Variants in BRINP3 observed in about 807,000 individuals in gnomAD.
The protein encoded by BRINP3 is BMP/retinoic acid inducible neural specific 3.
BRINP3 carries 19 observed loss-of-function variants against 71.0 expected under a neutral mutation model. The ratio of observed to expected loss-of-function variants is 0.27; its 90% CI spans 0.19 to 0.39. The LOEUF (loss-of-function observed/expected upper bound fraction) is 0.39. Among genes scored for constraint, BRINP3 ranks in the 10% least tolerant of loss-of-function variants. The pLI is 1.00. For synonymous variants in BRINP3, 380 were observed against 337.7 expected, an observed-to-expected ratio of 1.13 and a Z score of -1.37; for missense variants, 959 against 940.8, an observed-to-expected ratio of 1.02 and a Z score of -0.25.
At chr1:190,219,263 T>C (rs1656670478) in intron 6 of BRINP3, among the ~76,000 whole-genome samples, 1 of 151,886 alleles carries the variant, frequency 6.6e-6, no homozygotes, top group African/African-American at 2.4e-5. Flanking sequence ...AGAACAAAAA[T>C]TGAGTGACTG....
chr1:190,174,333 T>C (rs1264951017), intron 6 of BRINP3, among the ~76,000 whole-genome samples: 1 of 152,108 alleles, frequency 6.6e-6, no homozygotes, highest in Non-Finnish European at 1.5e-5. Flanking sequence ...TTATTCTCTG[T>C]GGAAAGTAAT....
At chr1:190,190,605 T>C (rs1419803744) in intron 6 of BRINP3, among the ~76,000 whole-genome samples, 1 of 152,094 alleles carries the variant, frequency 6.6e-6, no homozygotes, top group Non-Finnish European at 1.5e-5. Context: ...AATAACTACA[T>C]ATTTCTACTG....
intron 2 of BRINP3, among the ~76,000 whole-genome samples, chr1:190,328,907 A>G (rs1666783563): frequency 6.6e-6 from 1 of 152,076 alleles, no homozygotes. Context: ...CATAAACAGA[A>G]TTAAAAATAA....
intron 2 of BRINP3, among the ~76,000 whole-genome samples, chr1:190,403,049 AG>A (rs1197843184): frequency 6.6e-6 from 1 of 152,208 alleles, no homozygotes; most frequent in African/African-American, 2.4e-5. Flanking sequence ...GGTTTAAAAA[AG>A]GCACTACATT....
intron 7 of BRINP3, among the ~76,000 whole-genome samples, chr1:190,138,181 C>T (rs148565492): frequency 0.011 from 1,702 of 152,082 alleles, 32 homozygotes; most frequent in African/African-American, 0.037. Context: ...CTTGAACTCC[C>T]GACCTCAGGT....
rs547201994 is a variant in BRINP3, at chr1:190,373,570, CTGGATAGAA to C, written c.236+81076_236+81084del. On this transcript the variant is annotated intron_variant, in intron 2 of 7. Transcript: ENST00000367462. ...AATTCTACATTTGTGATTTTGCTTG[CTGGATAGAA>C]TGGATAGAATATATTTCTAACTCCA... Among the ~76,000 whole-genome samples the C allele has an allele frequency of 3.0e-3, 449 of 151,484 alleles. 3 individuals carry two copies. Among genetic ancestry groups the C allele is most frequent in the African/African-American group, 0.01 (424 of 41,236 alleles).
intron 2 of BRINP3, among the ~76,000 whole-genome samples, chr1:190,308,494 G>C: frequency 6.6e-6 from 1 of 151,502 alleles, no homozygotes; most frequent in Non-Finnish European, 1.5e-5. Flanking sequence ...GACTGTTGTA[G>C]GGTGGGGGAA....
At chr1:190,213,180 T>C (rs1656130286) in intron 6 of BRINP3, among the ~76,000 whole-genome samples, 2 of 152,006 alleles carry the variant, frequency 1.3e-5, no homozygotes, top group Admixed American at 1.3e-4. Context: ...GAAAAAAGAA[T>C]GCTAGTTCTT....
At chr1:190,354,309 A>G (rs1211447689) in intron 2 of BRINP3, among the ~76,000 whole-genome samples, 1 of 151,986 alleles carries the variant, frequency 6.6e-6, no homozygotes, top group Non-Finnish European at 1.5e-5. Context: ...ATTACATAAT[A>G]GAAACCAGGG....
At chr1:190,122,672 A>T (rs1271212076) in intron 7 of BRINP3, among the ~76,000 whole-genome samples, 1 of 152,136 alleles carries the variant, frequency 6.6e-6, no homozygotes, top group Admixed American at 6.6e-5. Flanking sequence ...TGGCACATGT[A>T]TACATATGTA....
intron 2 of BRINP3, among the ~76,000 whole-genome samples, chr1:190,333,545 A>T (rs757256415): frequency 4.6e-5 from 7 of 152,012 alleles, no homozygotes; most frequent in Non-Finnish European, 7.4e-5. Flanking sequence ...TATATTAATG[A>T]TCAAATTATA....
Position 190,404,001 on chromosome 1 carries a change from T to C in BRINP3, c.236+50654A>G, listed in dbSNP as rs1354729738. Reference sequence around the variant, plus strand: ...GGAATTTACAATATGCCAGATAATGTACCCACCTTATCTCATTCAATCTTC... The same window carrying C: ...GGAATTTACAATATGCCAGATAATGCACCCACCTTATCTCATTCAATCTTC... On this transcript the variant is annotated intron_variant, in intron 2 of 7. Transcript: ENST00000367462. Among the ~76,000 whole-genome samples, 7 of 152,326 alleles carry C rather than the reference T, an allele frequency of 4.6e-5. No homozygotes were observed. In the East Asian group the frequency reaches 1.4e-3, roughly 29 times the overall value.
At chr1:190,226,059 T>C (rs757626264) in intron 6 of BRINP3, 23 bp downstream of exon 6, 1 of 1,406,642 alleles carries the variant, frequency 7.1e-7, no homozygotes, top group Non-Finnish European at 9.6e-7. Flanking sequence ...TTTAAAAGTG[T>C]TATATTAAAA....
At chr1:190,387,211 T>C (rs1282978541) in intron 2 of BRINP3, among the ~76,000 whole-genome samples, 1 of 151,968 alleles carries the variant, frequency 6.6e-6, no homozygotes, top group East Asian at 1.9e-4. Context: ...GAAGCCAAAT[T>C]ATGACATTTA....
At chr1:190,411,885 G>A (rs549829528) in intron 2 of BRINP3, among the ~76,000 whole-genome samples, 1 of 152,282 alleles carries the variant, frequency 6.6e-6, no homozygotes, top group Admixed American at 6.5e-5. Context: ...GGAACAGCAA[G>A]TCAATTTGTT....
chr1:190,449,522 T>A (rs1354661335), intron 2 of BRINP3, among the ~76,000 whole-genome samples: 3 of 152,054 alleles, frequency 2.0e-5, no homozygotes, highest in African/African-American at 7.2e-5. Flanking sequence ...CCTCATACTG[T>A]CATGTAATGC....
chr1:190,379,558 A>G lies in BRINP3; in HGVS notation c.236+75097T>C, dbSNP rs74344011. Among the ~76,000 whole-genome samples, 1,336 of 152,276 alleles carry G rather than the reference A, an allele frequency of 8.8e-3. 13 individuals are homozygous for G. The highest frequency in any genetic ancestry group is 0.029 in the African/African-American group (1,221 of 41,572). ...CTATCATGAGAAAAGCCAGGAAAAC[A>G]TATTCTGGATTAAATAAACAAATGA... is the stretch of plus-strand genomic sequence containing the variant. On this transcript the variant is annotated intron_variant, in intron 2 of 7. Transcript: ENST00000367462.
chr1:190,423,415 C>T (rs1187084190), intron 2 of BRINP3, among the ~76,000 whole-genome samples: 2 of 151,694 alleles, frequency 1.3e-5, no homozygotes, highest in African/African-American at 4.8e-5. Context: ...ATTTACATAA[C>T]ATAAAGTCAG....
At chr1:190,375,256 T>A (rs1411381153) in intron 2 of BRINP3, among the ~76,000 whole-genome samples, 1 of 151,906 alleles carries the variant, frequency 6.6e-6, no homozygotes, top group Non-Finnish European at 1.5e-5. Context: ...TACATGTTTG[T>A]ATATATTTGT....
Sources: gnomAD v4.1 joint callset for allele counts (sites outside exome capture counted in the v4.1 genomes callset) on GRCh38, gnomAD v4.1.1 for gene constraint, MANE v1.5 for transcripts, NCBI Gene and HGNC (gene_info 2026-07-23, HGNC 2026-07-21) for gene names.